ZNF529: variants seen among roughly 807,000 people sequenced by gnomAD.
ZNF529 encodes the protein zinc finger protein 529.
A neutral mutation model predicts 10.1 loss-of-function variants in ZNF529; 11 were observed. The observed-to-expected ratio is 1.09, with a 90% CI of 0.69 to 1.81. The LOEUF (loss-of-function observed/expected upper bound fraction) is 1.81. ZNF529 is among the 40% of genes most tolerant of loss of function. The pLI is 0.00. For missense variants in ZNF529, 624 were observed against 666.8 expected (o/e 0.94, Z 0.71); for synonymous variants, 204 against 215.7 (o/e 0.95, Z 0.47).
rs1162789641 is a variant in ZNF529 at position 36,544,804 on chromosome 19, A to G, written c.*2062T>C. 6.6e-6 allele frequency: 1 copy of G among 152,246 alleles called. No individual in the cohort carries two copies. Among genetic ancestry groups the G allele is most frequent in the Non-Finnish European group, 1.5e-5 (1 of 68,042 alleles). The allele number at this position is 152,246 out of a possible 1,614,324, so 9.4% of individuals were successfully genotyped here. The stretch of plus-strand genomic sequence containing the variant: ...ATATCAGATGAGAAAATGGCTTAAT[A>G]CTGGTAATCATTCACACCGTTATAG... On this transcript the variant is annotated 3_prime_UTR_variant, in exon 5 of 5. Coordinates refer to ENST00000591340, the MANE Select transcript of ZNF529 (RefSeq NM_020951.5).
chr19:36,571,802 C>T (rs745794565), intron 2 of ZNF529, among the ~76,000 whole-genome samples: 4 of 151,926 alleles, frequency 2.6e-5, no homozygotes, highest in Non-Finnish European at 4.4e-5. Context: ...TCACAATCTA[C>T]ACCAATGTCA....
At position 36,586,866 on chromosome 19, in the gene ZNF529, ATC is replaced by A. The variant is rs529417651; in HGVS notation, c.-41+2747_-41+2748del. 2.1e-3 allele frequency among the ~76,000 whole-genome samples: 325 copies of A among 152,364 alleles called. 1 individual carries two copies. The highest frequency in any genetic ancestry group is 7.4e-3 in the African/African-American group (309 of 41,594). On this transcript the variant is annotated intron_variant, in intron 2 of 4. Coordinates refer to the ZNF529 transcript ENST00000585960. ...CGCTGCCCTGATAATGCTTAAACTC[ATC>A]TCTGTTTTTCTAAAAGACATAAATA...
In ZNF529 at chr19:36,546,644, CTTT is replaced by C. The variant is rs2035032339; in HGVS notation, c.*219_*221del. ...CAGGATGAGAAACTCATGAAAAAAA[CTTT>C]TTAACATAAAAAGGAGAAATATTTG... On this transcript the variant is annotated 3_prime_UTR_variant, in exon 5 of 5. Coordinates refer to ENST00000591340, the MANE Select transcript of ZNF529 (RefSeq NM_020951.5). 1 of 431,144 alleles carries C rather than the reference CTTT, an allele frequency of 2.3e-6. No homozygotes were observed. The highest frequency in any genetic ancestry group is 4.0e-6 in the Non-Finnish European group (1 of 251,340). 26.7% of individuals were successfully genotyped at this position (431,144 alleles called of 1,614,324 possible).
At chr19:36,565,594 G>C (rs2035865898) in intron 2 of ZNF529, among the ~76,000 whole-genome samples, 1 of 152,094 alleles carries the variant, frequency 6.6e-6, no homozygotes, top group Admixed American at 6.5e-5. Flanking sequence ...CCAGCTACTT[G>C]GGAGGCTGAT....
upstream of ZNF529, chr19:36,577,548 A>G (rs2036356094): frequency 6.5e-6 from 1 of 152,944 alleles, no homozygotes; most frequent in South Asian, 1.9e-4. Flanking sequence ...TGGCATTGTC[A>G]TGGCTCACCG....
chr19:36,561,176 GC>G (rs1253649037), intron 2 of ZNF529, among the ~76,000 whole-genome samples: 1 of 152,104 alleles, frequency 6.6e-6, no homozygotes, highest in Non-Finnish European at 1.5e-5. Context: ...TTTGGGGCTT[GC>G]TGCCCGGGGC....
At chr19:36,601,511 CA>C (rs2036923714) in intron 1 of ZNF529, among the ~76,000 whole-genome samples, 1 of 152,062 alleles carries the variant, frequency 6.6e-6, no homozygotes, top group East Asian at 1.9e-4. Context: ...ATGATCGCAC[CA>C]CTGCCCATCA....
intron 4 of ZNF529, among the ~76,000 whole-genome samples, chr19:36,554,286 A>G (rs2035370339): frequency 6.6e-6 from 1 of 152,212 alleles, no homozygotes; most frequent in African/African-American, 2.4e-5. Context: ...GTTTCTTAAA[A>G]CATAGCCTTG....
Position 36,543,955 on chromosome 19 carries a change from A to T in ZNF529, c.*2911T>A, listed in dbSNP as rs1026635079. On this transcript the variant is annotated 3_prime_UTR_variant, in exon 5 of 5. Transcript: ENST00000591340. ...AGTCACAGACTCTTTACCTGTCCCTAACATACATATATTAGTTGCCATTAA... is the reference window on the plus strand; with the variant it reads ...AGTCACAGACTCTTTACCTGTCCCTTACATACATATATTAGTTGCCATTAA... 6.7e-6 allele frequency: 1 copy of T among 149,744 alleles called. No homozygotes were observed. The highest frequency in any genetic ancestry group is 2.1e-4 in the South Asian group (1 of 4,716). 9.3% of individuals were successfully genotyped at this position (149,744 alleles called of 1,614,324 possible).
intron 4 of ZNF529, 58 bp from the exon 5 acceptor site, chr19:36,548,380 GAA>G: frequency 2.1e-6 from 3 of 1,429,532 alleles, no homozygotes; most frequent in South Asian, 1.5e-5. Flanking sequence ...GTTATAGAAA[GAA>G]GAGACAATTT....
At chr19:36,595,051 G>T (rs147389752) in intron 1 of ZNF529, among the ~76,000 whole-genome samples, 1 of 151,958 alleles carries the variant, frequency 6.6e-6, no homozygotes, top group East Asian at 1.9e-4. Flanking sequence ...GCTGATTTTT[G>T]TATTTTTAAT....
upstream of ZNF529, among the ~76,000 whole-genome samples, chr19:36,576,612 G>A (rs2036324616): frequency 6.6e-6 from 1 of 152,000 alleles, no homozygotes. Flanking sequence ...AGCTACTCGG[G>A]AGGCTGAGGC....
At chr19:36,560,898 C>T (rs968745356) in intron 2 of ZNF529, among the ~76,000 whole-genome samples, 2 of 152,060 alleles carry the variant, frequency 1.3e-5, no homozygotes, top group Admixed American at 1.3e-4. Flanking sequence ...ATTTATAACA[C>T]GGAAGCAAAA....
chr19:36,555,061 A>G (rs1230825055), intron 3 of ZNF529, among the ~76,000 whole-genome samples: 1 of 152,194 alleles, frequency 6.6e-6, no homozygotes, highest in Non-Finnish European at 1.5e-5. Context: ...CCAGTTTACA[A>G]ATTAAAAGAA....
upstream of ZNF529, chr19:36,573,309 G>A: frequency 2.7e-6 from 1 of 365,208 alleles, no homozygotes; most frequent in Non-Finnish European, 5.7e-6. Flanking sequence ...GGAAAAGGAA[G>A]CAAAGGTCGA....
chr19:36,565,786 C>CT lies in ZNF529; in HGVS notation c.14+6546dup, dbSNP rs1330318165. ...ATTGCATCTTGGGCTTGCAGGTCCTCTTTATTTCCCCAATATGATTTAAAA... is the reference window on the plus strand; with the variant it reads ...ATTGCATCTTGGGCTTGCAGGTCCTCTTTTATTTCCCCAATATGATTTAAAA... On this transcript the variant is annotated intron_variant, in intron 2 of 4. Transcript: ENST00000591340. 4.6e-5 allele frequency among the ~76,000 whole-genome samples: 7 copies of CT among 152,284 alleles called. No homozygotes were observed. The East Asian group carries it at 1.4e-3, about 29-fold the overall frequency.
intron 1 of ZNF529, among the ~76,000 whole-genome samples, chr19:36,600,925 A>G (rs1303020949): frequency 6.6e-6 from 1 of 152,212 alleles, no homozygotes; most frequent in Non-Finnish European, 1.5e-5. Flanking sequence ...AAGCCATACA[A>G]AAATAGGCTA....
chr19:36,573,376 T>C (rs75577228), upstream of ZNF529: 3,671 of 461,576 alleles, frequency 8.0e-3, 119 homozygotes, highest in Admixed American at 0.057. Flanking sequence ...GAAAGAGCCC[T>C]GAAGCTCAAG....
At chr19:36,548,432 G>T in intron 4 of ZNF529, 110 bp from the exon 5 acceptor site, 1 of 1,051,698 alleles carries the variant, frequency 9.5e-7, no homozygotes, top group Non-Finnish European at 1.3e-6. Flanking sequence ...TTAAAATACT[G>T]TCATGAAAGA....
Sources: allele counts gnomAD v4.1 joint callset (sites outside exome capture counted in the v4.1 genomes callset), GRCh38; gene constraint gnomAD v4.1.1; transcripts MANE v1.5; gene names NCBI Gene and HGNC (gene_info 2026-07-23, HGNC 2026-07-21).